Variants in EFCAB6 observed in about 807,000 individuals in gnomAD.
EFCAB6 encodes EF-hand calcium-binding domain-containing protein 6.
In EFCAB6, 156 loss-of-function variants were observed where a neutral mutation model predicts 169.8. The ratio of observed to expected loss-of-function variants is 0.92; its 90% confidence interval spans 0.81 to 1.05. The LOEUF is 1.05. Among genes scored for constraint, EFCAB6 ranks in the 50% least tolerant of loss-of-function variants. The probability of loss-of-function intolerance (pLI) is 0.00; values close to 1 mark genes in which losing one functional copy is unlikely to be tolerated. For synonymous variants in EFCAB6, 698 were observed against 676.4 expected (o/e 1.03, Z -0.50); for missense variants, 1,800 against 1,829.1 (o/e 0.98, Z 0.29).
intron 10 of EFCAB6, among the ~76,000 whole-genome samples, chr22:43,687,935 G>A (rs1404003075): frequency 2.0e-5 from 3 of 152,156 alleles, no homozygotes; most frequent in Non-Finnish European, 4.4e-5. Context: ...CCCCCATGGG[G>A]TCCACCCTCT....
intron 11 of EFCAB6, among the ~76,000 whole-genome samples, chr22:43,686,107 G>A (rs1466979584): frequency 4.6e-5 from 7 of 151,682 alleles, no homozygotes; most frequent in African/African-American, 9.7e-5. Context: ...TCAGCCTCCC[G>A]AGTAGCTGGG....
intron 4 of EFCAB6, among the ~76,000 whole-genome samples, chr22:43,769,029 C>A (rs571813785): frequency 6.6e-6 from 1 of 152,284 alleles, no homozygotes; most frequent in African/African-American, 2.4e-5. Context: ...TATGTTCACA[C>A]GAAAACCTTT....
At chr22:43,664,179 A>T (rs145347195) in intron 17 of EFCAB6, among the ~76,000 whole-genome samples, 10 of 152,328 alleles carry the variant, frequency 6.6e-5, no homozygotes, top group Admixed American at 3.9e-4. Flanking sequence ...AGAGAAGAGC[A>T]CAGGGGTTGG....
chr22:43,801,911 A>G (rs1316583841), intron 2 of EFCAB6, among the ~76,000 whole-genome samples: 1 of 152,212 alleles, frequency 6.6e-6, no homozygotes, highest in Non-Finnish European at 1.5e-5. Flanking sequence ...CCAATTAAAA[A>G]GCATAGAGTG....
intron 15 of EFCAB6, among the ~76,000 whole-genome samples, chr22:43,669,765 A>T (rs1259051365): frequency 1.3e-5 from 2 of 152,244 alleles, no homozygotes; most frequent in African/African-American, 4.8e-5. Context: ...AATGTAAAAA[A>T]AGAATTATAA....
chr22:43,582,580 C>G (rs1457677051), intron 24 of EFCAB6, among the ~76,000 whole-genome samples: 1 of 152,056 alleles, frequency 6.6e-6, no homozygotes, highest in African/African-American at 2.4e-5. Flanking sequence ...AGTACTCCAG[C>G]AAAAGAAGAA....
At position 43,746,064 on chromosome 22, in the gene EFCAB6, T is replaced by C. The variant is rs1265454376; in HGVS notation, c.507+9702A>G. 2.0e-5 allele frequency among the ~76,000 whole-genome samples: 3 copies of C among 152,074 alleles called. No individual in the cohort carries two copies. In the East Asian group the frequency reaches 5.8e-4, roughly 29 times the overall value. On this transcript the variant is annotated intron_variant, in intron 6 of 31. Coordinates refer to ENST00000262726, the MANE Select transcript of EFCAB6 (RefSeq NM_022785.4). Reference sequence around the variant, plus strand: ...GCTGGTAGAGATGCGCCAAACCAGATAGGAAAAAATTAGACTACATTCAGA... The same window carrying C: ...GCTGGTAGAGATGCGCCAAACCAGACAGGAAAAAATTAGACTACATTCAGA...
At chr22:43,727,731 A>G (rs572095373) in intron 8 of EFCAB6, among the ~76,000 whole-genome samples, 1 of 152,324 alleles carries the variant, frequency 6.6e-6, no homozygotes, top group African/African-American at 2.4e-5. Context: ...TGTATATTAG[A>G]AACCTTATTT....
intron 12 of EFCAB6, among the ~76,000 whole-genome samples, chr22:43,681,363 T>A (rs1046684772): frequency 1.3e-5 from 2 of 152,246 alleles, no homozygotes; most frequent in Non-Finnish European, 2.9e-5. Context: ...TTTGCTAATA[T>A]TTTGTTGAGA....
chr22:43,645,468 C>T (rs1291597616), intron 17 of EFCAB6, among the ~76,000 whole-genome samples: 6 of 152,306 alleles, frequency 3.9e-5, no homozygotes, highest in South Asian at 4.1e-4. Context: ...CTGTGTGTTG[C>T]TAATCATTGA....
chr22:43,772,785 G>A (rs1262308675), intron 4 of EFCAB6, 107 bp downstream of exon 4: 4 of 1,212,322 alleles, frequency 3.3e-6, no homozygotes, highest in Non-Finnish European at 1.2e-6. Flanking sequence ...AACTTCAACT[G>A]CTCAGTGGCA....
chr22:43,784,553 A>G (rs2061958911), intron 2 of EFCAB6, among the ~76,000 whole-genome samples: 1 of 97,176 alleles, frequency 1.0e-5, no homozygotes, highest in African/African-American at 4.7e-5. Context: ...GTATATGTAT[A>G]TATACACATA....
chr22:43,562,176 T>A (rs922311058), intron 26 of EFCAB6, among the ~76,000 whole-genome samples: 3 of 152,232 alleles, frequency 2.0e-5, no homozygotes, highest in Non-Finnish European at 2.9e-5. Context: ...AAGATATTCA[T>A]GGGACCTTGT....
chr22:43,583,545 G>A (rs1383991588), intron 24 of EFCAB6, among the ~76,000 whole-genome samples: 1 of 151,894 alleles, frequency 6.6e-6, no homozygotes, highest in Non-Finnish European at 1.5e-5. Context: ...ACATTGCTAT[G>A]GCCTATTTGT....
At chr22:43,551,828 C>CCTT (rs2048397732) in intron 27 of EFCAB6, 1 of 136,786 alleles carries the variant, frequency 7.3e-6, no homozygotes, top group African/African-American at 2.7e-5. Flanking sequence ...TCCCTTGTTC[C>CCTT]TTTTTTTTTT....
At chr22:43,556,626 A>G (rs2048722046) in intron 26 of EFCAB6, among the ~76,000 whole-genome samples, 1 of 152,208 alleles carries the variant, frequency 6.6e-6, no homozygotes, top group Admixed American at 6.5e-5. Flanking sequence ...CAATGTATAT[A>G]TTAGATGTTA....
chr22:43,545,014 G>T (rs1288150741), intron 27 of EFCAB6, among the ~76,000 whole-genome samples: 2 of 152,076 alleles, frequency 1.3e-5, no homozygotes, highest in African/African-American at 2.4e-5. Flanking sequence ...GGGCGTGGTG[G>T]CGGGCGCCTG....
intron 8 of EFCAB6, among the ~76,000 whole-genome samples, chr22:43,729,920 A>G (rs2059875321): frequency 6.6e-6 from 1 of 152,028 alleles, no homozygotes; most frequent in African/African-American, 2.4e-5. Flanking sequence ...GCTCTTTGGG[A>G]CTGTGTATAG....
chr22:43,643,001 C>T (rs1034839623), intron 17 of EFCAB6, among the ~76,000 whole-genome samples: 1 of 152,186 alleles, frequency 6.6e-6, no homozygotes, highest in Admixed American at 6.5e-5. Context: ...AGGTACACTT[C>T]TCAAGCACAG....
Sources: allele counts gnomAD v4.1 joint callset (sites outside exome capture counted in the v4.1 genomes callset), GRCh38; gene constraint gnomAD v4.1.1; transcripts MANE v1.5; gene names NCBI Gene and HGNC (gene_info 2026-07-23, HGNC 2026-07-21).